Variants in ASAH1 observed in about 807,000 individuals in gnomAD.
ASAH1 encodes acid ceramidase.
In ASAH1, 70 loss-of-function variants were observed where a neutral mutation model predicts 59.5. The observed-to-expected ratio is 1.18, with a 90% confidence interval of 0.97 to 1.43. The LOEUF (loss-of-function observed/expected upper bound fraction) is 1.43, where lower values mean the gene tolerates loss of function less well. Ranked by LOEUF, ASAH1 falls within the 40% of genes most tolerant of loss-of-function variation. ASAH1 has a pLI of 0.00. For synonymous variants in ASAH1, 213 were observed against 166.5 expected (o/e 1.28, Z -2.15); for missense variants, 660 against 482.5 (o/e 1.37, Z -3.45).
At chr8:18,067,167 C>G (rs986789002) in intron 5 of ASAH1, 53 bp downstream of exon 5, 9 of 1,101,896 alleles carry the variant, frequency 8.2e-6, no homozygotes, top group Admixed American at 2.2e-5. Context: ...TCAATGGAAA[C>G]TTGTAAAAGA....
At chr8:18,067,658 CCTT>C (rs1249008361) in intron 4 of ASAH1, 7 of 158,962 alleles carry the variant, frequency 4.4e-5, no homozygotes, top group African/African-American at 1.4e-4. Context: ...AACAAGCACT[CCTT>C]ATCTCTCTGC....
rs373868817 is a variant in ASAH1, at chr8:18,059,320, T to C, written c.1041+21A>G. On this transcript the variant is annotated intron_variant, in intron 12 of 13. Coordinates refer to ENST00000637790, the MANE Select transcript of ASAH1 (RefSeq NM_177924.5). ...CTTTAATGGCAACAGTTTCTTTCTA[T>C]AGATGACCCTGCAAAGGTACCTCTT... The C allele has an allele frequency of 1.7e-4, 272 of 1,614,150 alleles. 4 individuals are homozygous for C. The highest frequency in any genetic ancestry group is 4.9e-4 in the South Asian group (45 of 91,088).
chr8:18,069,536 TC>T, intron 4 of ASAH1: 1 of 401,216 alleles, frequency 2.5e-6, no homozygotes, highest in East Asian at 5.1e-5. Flanking sequence ...AATACCACAC[TC>T]CCAGATGAAA....
chr8:18,078,978 G>A (rs187992784), intron 1 of ASAH1, among the ~76,000 whole-genome samples: 1 of 151,958 alleles, frequency 6.6e-6, no homozygotes, highest in African/African-American at 2.4e-5. Context: ...ATATTTCAAT[G>A]CATTTGAAAC....
intron 1 of ASAH1, 56 bp downstream of exon 1, chr8:18,083,925 C>A: frequency 6.4e-7 from 1 of 1,562,814 alleles, no homozygotes; most frequent in Non-Finnish European, 8.6e-7. Flanking sequence ...ACCTGCGCCT[C>A]CATCCGCGCC....
At chr8:18,059,541 C>G (rs758703043) in intron 11 of ASAH1, 31 bp downstream of exon 11, 2 of 1,614,032 alleles carry the variant, frequency 1.2e-6, no homozygotes, top group African/African-American at 2.7e-5. Context: ...GCTTTTGTTT[C>G]TACTTCTTTT....
intron 8 of ASAH1, 76 bp from the exon 9 acceptor site, chr8:18,061,816 G>C (rs1451028873): frequency 1.5e-6 from 2 of 1,349,678 alleles, no homozygotes; most frequent in African/African-American, 1.4e-5. Flanking sequence ...CTGTACTTCA[G>C]AGTGGGATAT....
chr8:18,057,321 A>C lies in ASAH1; in HGVS notation c.*213T>G. The C allele has an allele frequency of 2.6e-6, 1 of 377,918 alleles. No homozygotes were observed. Among genetic ancestry groups the C allele is most frequent in the Non-Finnish European group, 5.1e-6 (1 of 195,214 alleles). 23.4% of individuals were successfully genotyped at this position (377,918 alleles called of 1,614,324 possible). A position where few individuals can be genotyped will look rare whatever the true frequency, so the allele number is the denominator to read the frequency against. ...TCTAGATGACTGTTTTACTTCCCCT[A>C]AAGAAGTTATCTGTAAATAAGAAAA... On this transcript the variant is annotated 3_prime_UTR_variant, in exon 14 of 14. Coordinates refer to ENST00000637790, the MANE Select transcript of ASAH1 (RefSeq NM_177924.5).
intron 7 of ASAH1, 164 bp from the exon 8 acceptor site, chr8:18,062,587 G>A (rs1312060460): frequency 2.6e-6 from 2 of 782,074 alleles, no homozygotes; most frequent in African/African-American, 3.5e-5. Flanking sequence ...TTTTCCAAAT[G>A]ATAAAATTGA....
chr8:18,079,316 A>G (rs1328598882), intron 1 of ASAH1, among the ~76,000 whole-genome samples: 1 of 151,772 alleles, frequency 6.6e-6, no homozygotes, highest in East Asian at 1.9e-4. Context: ...AGTGCTTTTA[A>G]AAGACTGTTT....
upstream of ASAH1, chr8:18,084,151 AC>A: frequency 6.4e-7 from 1 of 1,565,710 alleles, no homozygotes; most frequent in Non-Finnish European, 8.6e-7. Flanking sequence ...CCGCCGCGTG[AC>A]CCGCGACCTG....
intron 5 of ASAH1, chr8:18,066,538 G>C (rs1799936691): frequency 8.5e-6 from 1 of 117,182 alleles, no homozygotes. Flanking sequence ...AATAAAGATT[G>C]ACACTAACAA....
intron 5 of ASAH1, 22 bp downstream of exon 5, chr8:18,067,198 A>G (rs781200400): frequency 6.1e-6 from 9 of 1,484,802 alleles, no homozygotes; most frequent in Non-Finnish European, 7.3e-6. Flanking sequence ...TTTTTTTTTT[A>G]AAGCTTCTAA....
chr8:18,079,745 A>G (rs1021558065), intron 1 of ASAH1, among the ~76,000 whole-genome samples: 16 of 152,238 alleles, frequency 1.1e-4, no homozygotes, highest in Middle Eastern at 3.2e-3. Context: ...CATTCATTCA[A>G]TTCTTGAATT....
intron 2 of ASAH1, among the ~76,000 whole-genome samples, chr8:18,074,002 A>C (rs1800285595): frequency 6.6e-6 from 1 of 151,978 alleles, no homozygotes; most frequent in Non-Finnish European, 1.5e-5. Context: ...ATAGGTAGAC[A>C]CACACTCACA....
chr8:18,067,149 A>AAGACATCCAGCACCTGTGC, intron 5 of ASAH1, 71 bp downstream of exon 5: 1 of 1,376,968 alleles, frequency 7.3e-7, no homozygotes, highest in Non-Finnish European at 1.0e-6. Context: ...CTGTATGTAT[A>AAGACATCCAGCACCTGTGC]TCACACCTCA....
intron 1 of ASAH1, among the ~76,000 whole-genome samples, chr8:18,077,004 C>G (rs977626408): frequency 6.6e-6 from 1 of 152,174 alleles, no homozygotes; most frequent in Non-Finnish European, 1.5e-5. Context: ...ATTTCCAAAG[C>G]CATTCGTGTT....
chr8:18,067,941 AT>A (rs1800001564), intron 4 of ASAH1: 1 of 152,204 alleles, frequency 6.6e-6, no homozygotes, highest in African/African-American at 2.4e-5. Flanking sequence ...TCTGCTTAAA[AT>A]TCACGAATCT....
At position 18,056,905 on chromosome 8, in the gene ASAH1, G is replaced by A. The variant is rs1799493542; in HGVS notation, c.*629C>T. The A allele has an allele frequency of 6.6e-6, 1 of 152,560 alleles. No homozygotes were observed. Among genetic ancestry groups the A allele is most frequent in the South Asian group, 2.1e-4 (1 of 4,848 alleles). The allele number at this position is 152,560 out of a possible 1,614,324, so 9.5% of individuals were successfully genotyped here. A position where few individuals can be genotyped will look rare whatever the true frequency, so the allele number is the denominator to read the frequency against. On this transcript the variant is annotated 3_prime_UTR_variant, in exon 14 of 14. Transcript: ENST00000637790. ...TGTATAAAAGATTGCTTTGCATACT[G>A]ATTACTTCTTGAACCCCAAAAAGTG...
Sources: gnomAD v4.1 joint callset for allele counts (sites outside exome capture counted in the v4.1 genomes callset) on GRCh38, gnomAD v4.1.1 for gene constraint, MANE v1.5 for transcripts, NCBI Gene and HGNC (gene_info 2026-07-23, HGNC 2026-07-21) for gene names.